NKAIN2: variants seen among roughly 807,000 people sequenced by gnomAD.
The protein encoded by NKAIN2 is sodium/potassium transporting ATPase interacting 2.
Under a neutral mutation model 32.6 loss-of-function variants are expected in NKAIN2, and 14 were observed. The observed-to-expected ratio is 0.43, with a 90% CI of 0.28 to 0.67. The LOEUF (loss-of-function observed/expected upper bound fraction) is 0.67. NKAIN2 is among the 30% of genes least tolerant of loss of function. NKAIN2 has a pLI of 0.17. For synonymous variants in NKAIN2, 80 were observed against 87.2 expected, an observed-to-expected ratio of 0.92 and a Z score of 0.46; for missense variants, 198 against 258.3, an observed-to-expected ratio of 0.77 and a Z score of 1.60.
At chr6:124,258,238 C>T (rs1037985464) in intron 1 of NKAIN2, among the ~76,000 whole-genome samples, 1 of 151,868 alleles carries the variant, frequency 6.6e-6, no homozygotes, top group African/African-American at 2.4e-5. Context: ...ATCCAGGCAG[C>T]ATGGTTCCAA....
intron 1 of NKAIN2, among the ~76,000 whole-genome samples, chr6:124,221,812 A>G (rs1791846442): frequency 6.6e-6 from 1 of 152,210 alleles, no homozygotes; most frequent in African/African-American, 2.4e-5. Flanking sequence ...AAGATGTATT[A>G]GAAAAATGCC....
chr6:123,805,285 T>C (rs1014764531), intron 1 of NKAIN2, among the ~76,000 whole-genome samples: 11 of 152,240 alleles, frequency 7.2e-5, no homozygotes, highest in African/African-American at 2.7e-4. Context: ...AGGCAGAAGA[T>C]GTTTAAGTGT....
At chr6:124,360,335 T>C (rs112060707) in intron 3 of NKAIN2, among the ~76,000 whole-genome samples, 129 of 152,278 alleles carry the variant, frequency 8.5e-4, no homozygotes, top group African/African-American at 3.0e-3. Flanking sequence ...TAGGCTGTCT[T>C]TTCTGCTTTT....
chr6:124,122,108 A>G (rs184590904), intron 1 of NKAIN2, among the ~76,000 whole-genome samples: 58 of 152,210 alleles, frequency 3.8e-4, no homozygotes, highest in African/African-American at 1.3e-3. Context: ...GGCTCTGAAA[A>G]TGATGCATGG....
At chr6:124,658,409 T>C (rs368191778) in intron 4 of NKAIN2, 23 bp downstream of exon 4, 14 of 1,614,114 alleles carry the variant, frequency 8.7e-6, no homozygotes, top group South Asian at 3.3e-5. Flanking sequence ...AGCCAACCGC[T>C]CCTTCTAGTG....
chr6:124,003,028 G>A (rs4142475), intron 1 of NKAIN2, among the ~76,000 whole-genome samples: 67,958 of 151,966 alleles, frequency 0.45, 16,129 homozygotes, highest in African/African-American at 0.6. Flanking sequence ...CCCCTCCCAC[G>A]GCATCCCTTT....
chr6:124,128,129 C>T (rs1276101426), intron 1 of NKAIN2, among the ~76,000 whole-genome samples: 1 of 152,006 alleles, frequency 6.6e-6, no homozygotes, highest in Non-Finnish European at 1.5e-5. Context: ...GTGCCTGGCC[C>T]ATGGTTGCTA....
At chr6:124,636,326 G>T (rs544093981) in intron 3 of NKAIN2, among the ~76,000 whole-genome samples, 10 of 151,992 alleles carry the variant, frequency 6.6e-5, no homozygotes, top group Admixed American at 2.0e-4. Flanking sequence ...TATCTCAAAA[G>T]AAGAGAAAGT....
chr6:124,563,970 G>C (rs1780802815), intron 3 of NKAIN2, among the ~76,000 whole-genome samples: 1 of 152,170 alleles, frequency 6.6e-6, no homozygotes, highest in Non-Finnish European at 1.5e-5. Flanking sequence ...TGGTAATGAT[G>C]CTATAGTTTC....
intron 1 of NKAIN2, among the ~76,000 whole-genome samples, chr6:123,838,874 A>C (rs535128603): frequency 6.6e-6 from 1 of 152,358 alleles, no homozygotes; most frequent in Non-Finnish European, 1.5e-5. Context: ...AGGTTAGATT[A>C]GAAAATCTAT....
At chr6:123,890,131 A>G (rs1773932412) in intron 1 of NKAIN2, among the ~76,000 whole-genome samples, 1 of 152,042 alleles carries the variant, frequency 6.6e-6, no homozygotes, top group Admixed American at 6.6e-5. Context: ...AAAATAGAGC[A>G]GTTTATTACC....
chr6:123,890,243 T>A (rs185657947), intron 1 of NKAIN2, among the ~76,000 whole-genome samples: 11 of 152,096 alleles, frequency 7.2e-5, no homozygotes, highest in Admixed American at 7.2e-4. Context: ...TTCTTCCCTG[T>A]CATCTTTGGA....
At chr6:124,661,397 C>G (rs1016414151) in intron 4 of NKAIN2, among the ~76,000 whole-genome samples, 3 of 152,204 alleles carry the variant, frequency 2.0e-5, no homozygotes, top group Admixed American at 6.5e-5. Context: ...CTCTCCAGCT[C>G]TTTGTCTCCA....
At chr6:124,195,974 A>G (rs1160289423) in intron 1 of NKAIN2, among the ~76,000 whole-genome samples, 9 of 151,762 alleles carry the variant, frequency 5.9e-5, no homozygotes, top group Admixed American at 5.9e-4. Context: ...CATACATTTA[A>G]AAAAATTTGT....
intron 1 of NKAIN2, among the ~76,000 whole-genome samples, chr6:124,227,493 A>G (rs1034637427): frequency 6.6e-6 from 1 of 152,178 alleles, no homozygotes; most frequent in African/African-American, 2.4e-5. Flanking sequence ...TTATTGTAGA[A>G]CATGCAGAAT....
chr6:124,192,977 C>T (rs552615499), intron 1 of NKAIN2, among the ~76,000 whole-genome samples: 36 of 152,218 alleles, frequency 2.4e-4, no homozygotes, highest in African/African-American at 8.4e-4. Flanking sequence ...TCTCGACCTC[C>T]TGACCTCGTG....
intron 3 of NKAIN2, among the ~76,000 whole-genome samples, chr6:124,469,487 T>G (rs1288321211): frequency 6.6e-6 from 1 of 152,216 alleles, no homozygotes; most frequent in East Asian, 1.9e-4. Context: ...TCTCTGTTTC[T>G]AATTCAAGCC....
chr6:123,981,573 G>A (rs1305317880), intron 1 of NKAIN2, among the ~76,000 whole-genome samples: 1 of 152,096 alleles, frequency 6.6e-6, no homozygotes. Flanking sequence ...TCTCAAAGAG[G>A]GAGAGCAAGA....
chr6:123,837,670 A>G (rs991604293), intron 1 of NKAIN2, among the ~76,000 whole-genome samples: 1 of 152,112 alleles, frequency 6.6e-6, no homozygotes, highest in Admixed American at 6.5e-5. Context: ...TCCTTGGCCT[A>G]TCTTACCACT....
Sources: allele counts gnomAD v4.1 joint callset (sites outside exome capture counted in the v4.1 genomes callset), GRCh38; gene constraint gnomAD v4.1.1; transcripts MANE v1.5; gene names NCBI Gene and HGNC (gene_info 2026-07-23, HGNC 2026-07-21).